The following DENND4A variants were observed in gnomAD, a reference collection of about 807,000 sequenced individuals.
The protein encoded by DENND4A is C-myc promoter-binding protein.
Under a neutral mutation model 199.3 loss-of-function variants are expected in DENND4A, and 70 were observed. That is an observed-to-expected ratio of 0.35 (90% CI 0.29 to 0.43). The LOEUF (loss-of-function observed/expected upper bound fraction) is 0.43, where lower values mean the gene tolerates loss of function less well. DENND4A is among the 20% of genes least tolerant of loss of function. The pLI, the probability that DENND4A is intolerant of heterozygous loss-of-function variation, is 1.00. For missense variants in DENND4A, 1,723 were observed against 2,255.8 expected (o/e 0.76, Z 4.78); for synonymous variants, 686 against 766.9 (o/e 0.89, Z 1.74).
chr15:65,699,674 T>C (rs2077280779), intron 20 of DENND4A, among the ~76,000 whole-genome samples: 1 of 148,100 alleles, frequency 6.8e-6, no homozygotes, highest in Admixed American at 6.8e-5. Flanking sequence ...TATTATTTTA[T>C]ATATATATAT....
rs1166627074 is a variant in DENND4A at position 65,706,085 on chromosome 15, G to C, written c.2087+6C>G. 2 of 1,555,494 alleles carry C rather than the reference G, an allele frequency of 1.3e-6. No individual in the cohort carries two copies. The highest frequency in any genetic ancestry group is 3.9e-5 in the Admixed American group (2 of 50,688). On this transcript the variant is annotated splice_donor_region_variant and intron_variant, in intron 15 of 32. Transcript: ENST00000443035. ...TTCAATCTCAAACATTCTGCCTCTT[G>C]AATACCTGTACTGTAAAGGGGGTTC...
chr15:65,701,881 G>A lies in DENND4A; in HGVS notation c.2440C>T (p.Arg814Cys), dbSNP rs2074882307. The A allele has an allele frequency of 1.2e-6, 2 of 1,613,592 alleles. No individual in the cohort carries two copies. Among genetic ancestry groups the A allele is most frequent in the Non-Finnish European group, 1.7e-6 (2 of 1,179,732 alleles). ...KMDPPDEVCY[R>C]ILMQLCGQYD... The stretch of plus-strand genomic sequence containing the variant: ...TGTCCACAGAGTTGCATAAGAATGC[G>A]GTAGCATACCTGAAATACAAGTTCA... The change falls in exon 18 of 33, where the codon CGC (arginine) becomes TGC (cysteine). Residue 814 changes from arginine to cysteine, a missense_variant. This residue lies in a region of DENND4A where 36 missense variants were observed against 85.7 expected (regional missense o/e 0.42). Transcript: ENST00000443035.
At position 65,690,492 on chromosome 15, in the gene DENND4A, A is replaced by C; in HGVS notation, c.4102T>G (p.Phe1368Val). ...PKLDVLRNSM[F>V]TAGKGVAEKA... ...TCTGCAACTCCTTTTCCAGCAGTGA[A>C]CATACTGTTTCTTAGAACATCTAGT... The change falls in exon 23 of 33, where the codon TTC becomes GTC. Residue 1368 changes from phenylalanine to valine, a missense_variant. Around this residue, in one of 6 missense-constraint regions of DENND4A, gnomAD observed 650 missense variants for 738.1 expected, o/e 0.88. Coordinates refer to ENST00000443035, the MANE Select transcript of DENND4A (RefSeq NM_001320835.1). 6.2e-7 allele frequency: 1 copy of C among 1,612,804 alleles called. No individual in the cohort carries two copies. Among genetic ancestry groups the C allele is most frequent in the Non-Finnish European group, 8.5e-7 (1 of 1,179,344 alleles).
chr15:65,701,140 C>G lies in DENND4A; in HGVS notation c.2612G>C (p.Trp871Ser). The change falls in exon 19 of 33, where the codon TGG becomes TCG. Residue 871 changes from tryptophan (W) to serine (S), a missense_variant. Coordinates refer to ENST00000443035, the MANE Select transcript of DENND4A (RefSeq NM_001320835.1). ...PSRSRSGYFL[W>S]TKVRNVVLGV... ...TAAAACAACATTTCTTACTTTTGTC[C>G]AAAGAAAATAGCCACTACGACTTCT... 1 of 1,609,756 alleles carries G rather than the reference C, an allele frequency of 6.2e-7. No homozygotes were observed. The highest frequency in any genetic ancestry group is 8.5e-7 in the Non-Finnish European group (1 of 1,178,362).
At position 65,700,925 on chromosome 15, in the gene DENND4A, T is replaced by C. The variant is rs1257586025; in HGVS notation, c.2701+126A>G. The C allele has an allele frequency of 1.8e-5, 20 of 1,110,848 alleles. No homozygotes were observed. The East Asian group carries it at 4.2e-4, about 23-fold the overall frequency. The allele number at this position is 1,110,848 out of a possible 1,614,324, so 68.8% of individuals were successfully genotyped here. The stretch of plus-strand genomic sequence containing the variant: ...TGGTTTTTAAATGGGAAGAGTAATA[T>C]AATTTGCTTAATAAAACTAAAAACT... On this transcript the variant is annotated intron_variant, in intron 19 of 32. Transcript: ENST00000443035.
intron 1 of DENND4A, among the ~76,000 whole-genome samples, chr15:65,784,448 A>C (rs2077514563): frequency 7.0e-6 from 1 of 143,678 alleles, no homozygotes; most frequent in African/African-American, 2.8e-5. Flanking sequence ...CGAGACCCCC[A>C]TTTCTTACAA....
chr15:65,669,218 C>T (rs544672426), intron 27 of DENND4A, among the ~76,000 whole-genome samples: 1 of 152,312 alleles, frequency 6.6e-6, no homozygotes, highest in East Asian at 1.9e-4. Context: ...TTGGCACATG[C>T]AGCTACCAAT....
intron 23 of DENND4A, 128 bp from the exon 24 acceptor site, chr15:65,676,762 A>C: frequency 7.2e-6 from 5 of 694,478 alleles, no homozygotes; most frequent in Non-Finnish European, 1.1e-5. Context: ...ATATTACAAC[A>C]TCTAGAGAAA....
intron 23 of DENND4A, among the ~76,000 whole-genome samples, chr15:65,681,571 A>ATT (rs1319956178): frequency 2.1e-4 from 30 of 142,410 alleles, no homozygotes; most frequent in Non-Finnish European, 2.9e-4. Flanking sequence ...TTGACATTTC[A>ATT]TTTTTTTGTT....
chr15:65,670,518 T>C (rs2076184227), intron 25 of DENND4A, among the ~76,000 whole-genome samples: 1 of 152,218 alleles, frequency 6.6e-6, no homozygotes, highest in East Asian at 1.9e-4. Context: ...AATTACATAT[T>C]ACAAATCAGT....
At chr15:65,744,167 C>CA (rs1008842368) in intron 4 of DENND4A, among the ~76,000 whole-genome samples, 10 of 149,810 alleles carry the variant, frequency 6.7e-5, no homozygotes, top group South Asian at 2.1e-4. Flanking sequence ...AAAATACAGA[C>CA]AAAAAAAAAT....
At chr15:65,678,838 C>T (rs1466965972) in intron 23 of DENND4A, among the ~76,000 whole-genome samples, 1 of 151,480 alleles carries the variant, frequency 6.6e-6, no homozygotes, top group Admixed American at 6.6e-5. Flanking sequence ...TACAGGTGCA[C>T]ACCACCATGA....
chr15:65,708,343 T>C (rs1008631365), intron 14 of DENND4A, among the ~76,000 whole-genome samples: 6 of 152,162 alleles, frequency 3.9e-5, no homozygotes, highest in African/African-American at 1.4e-4. Context: ...CACTCTTTTT[T>C]TTAGCAGCTT....
rs781718938 is a variant in DENND4A at position 65,671,828 on chromosome 15, C to A, written c.4428G>T (p.Ala1476=). 1 of 1,612,326 alleles carries A rather than the reference C, an allele frequency of 6.2e-7. No homozygotes were observed. The highest frequency in any genetic ancestry group is 1.3e-5 in the African/African-American group (1 of 74,880). Reference sequence around the variant, plus strand: ...AGTTCTGGAAGATATTTGTATTACTCGCGTTGAAGGAAGATGTCACTTCTG... The same window carrying A: ...AGTTCTGGAAGATATTTGTATTACTAGCGTTGAAGGAAGATGTCACTTCTG... ...GKSEVTSSFN[A]SNTNIFQNYA... is the part of the protein sequence containing the mutation. Residue 1476 remains alanine, a synonymous_variant, in exon 25 of 33, where the codon GCG becomes GCT. Coordinates refer to ENST00000443035, the MANE Select transcript of DENND4A (RefSeq NM_001320835.1).
At chr15:65,684,466 T>C (rs367633961) in intron 23 of DENND4A, among the ~76,000 whole-genome samples, 11 of 152,326 alleles carry the variant, frequency 7.2e-5, no homozygotes, top group African/African-American at 2.6e-4. Context: ...GCCTAATAAC[T>C]AATTATGTTG....
chr15:65,689,981 C>G (rs915093618), intron 23 of DENND4A, among the ~76,000 whole-genome samples: 18 of 152,282 alleles, frequency 1.2e-4, no homozygotes, highest in African/African-American at 4.3e-4. Flanking sequence ...CAGATACTTT[C>G]TCTATTTCAT....
At chr15:65,781,372 A>G (rs2077432420) in intron 1 of DENND4A, among the ~76,000 whole-genome samples, 1 of 152,240 alleles carries the variant, frequency 6.6e-6, no homozygotes, top group South Asian at 2.1e-4. Context: ...CATTCTGGCA[A>G]TTCTGAGAAG....
At chr15:65,719,549 C>T (rs779025448) in intron 12 of DENND4A, among the ~76,000 whole-genome samples, 2 of 151,896 alleles carry the variant, frequency 1.3e-5, no homozygotes, top group Non-Finnish European at 2.9e-5. Flanking sequence ...GATATAAGGA[C>T]GCAATGAGAG....
chr15:65,755,583 T>C (rs997195413), intron 3 of DENND4A, among the ~76,000 whole-genome samples: 2 of 151,812 alleles, frequency 1.3e-5, no homozygotes, highest in Non-Finnish European at 2.9e-5. Context: ...CTGGGCAACA[T>C]AGCAAGACCC....
Sources: gnomAD v4.1 joint callset for allele counts (sites outside exome capture counted in the v4.1 genomes callset) on GRCh38, gnomAD v4.1.1 for gene constraint, gnomAD v4.1.1 regional missense constraint, MANE v1.5 for transcripts, NCBI Gene and HGNC (gene_info 2026-07-23, HGNC 2026-07-21) for gene names.